The following MAP2K5 variants were observed in gnomAD, a reference collection of about 807,000 sequenced individuals.
MAP2K5 encodes dual specificity mitogen-activated protein kinase kinase 5.
A neutral mutation model predicts 83.1 loss-of-function variants in MAP2K5; 49 were observed. That is an observed-to-expected ratio of 0.59 (90% CI 0.47 to 0.75). The LOEUF (loss-of-function observed/expected upper bound fraction) is 0.75, where lower values mean the gene tolerates loss of function less well. Among genes scored for constraint, MAP2K5 ranks in the 30% least tolerant of loss-of-function variants. MAP2K5 has a pLI of 0.00. For synonymous variants in MAP2K5, 202 were observed against 191.8 expected (o/e 1.05, Z -0.44); for missense variants, 457 against 557.5 (o/e 0.82, Z 1.82).
chr15:67,582,961 T>C (rs2085213384), intron 4 of MAP2K5, among the ~76,000 whole-genome samples: 2 of 152,354 alleles, frequency 1.3e-5, no homozygotes, highest in African/African-American at 2.4e-5. Flanking sequence ...TGAGCAGTCC[T>C]GTCATTCTCA....
At chr15:67,706,483 T>A (rs1248585023) in intron 16 of MAP2K5, among the ~76,000 whole-genome samples, 1 of 151,916 alleles carries the variant, frequency 6.6e-6, no homozygotes, top group Non-Finnish European at 1.5e-5. Flanking sequence ...TGGTCAGGAG[T>A]GAGGGCCAGG....
chr15:67,795,315 A>G (rs2090586541), intron 21 of MAP2K5, among the ~76,000 whole-genome samples: 2 of 152,170 alleles, frequency 1.3e-5, no homozygotes, highest in Admixed American at 6.5e-5. Context: ...ATAATGTATT[A>G]AACACTTAGC....
Position 67,552,118 on chromosome 15 carries a change from G to A in MAP2K5, c.184+2036G>A, listed in dbSNP as rs2140947612. Among the ~76,000 whole-genome samples, 1 of 152,164 alleles carries A rather than the reference G, an allele frequency of 6.6e-6. No individual in the cohort carries two copies. The highest frequency in any genetic ancestry group is 1.9e-4 in the East Asian group (1 of 5,180). On this transcript the variant is annotated intron_variant, in intron 2 of 21. Transcript: ENST00000178640. The surrounding 1 kb of genome is among the most constrained non-coding windows in gnomAD (Gnocchi z 4.2). ...GATGAATGATCACACTTTTTACTTT[G>A]TATGTTTCTCTATTGTTTGAACATT...
chr15:67,629,143 C>G (rs1262605870), intron 8 of MAP2K5: 1 of 723,848 alleles, frequency 1.4e-6, no homozygotes, highest in Non-Finnish European at 2.5e-6. Context: ...TAATTATTGC[C>G]AGGAAACAAA....
chr15:67,753,275 C>A (rs933127726), intron 19 of MAP2K5, among the ~76,000 whole-genome samples: 1 of 152,240 alleles, frequency 6.6e-6, no homozygotes, highest in Non-Finnish European at 1.5e-5. Flanking sequence ...ATCTCCATGA[C>A]CTTAGGTTAG....
chr15:67,605,206 C>A (rs1182868926), intron 8 of MAP2K5, among the ~76,000 whole-genome samples: 1 of 151,896 alleles, frequency 6.6e-6, no homozygotes, highest in Non-Finnish European at 1.5e-5. Flanking sequence ...AGGCATGTAC[C>A]ACCATGCCCA....
At chr15:67,694,126 A>T (rs2088185751) in intron 15 of MAP2K5, among the ~76,000 whole-genome samples, 1 of 152,216 alleles carries the variant, frequency 6.6e-6, no homozygotes, top group South Asian at 2.1e-4. Context: ...TACCAACAAT[A>T]ACAAGTAGAA....
intron 4 of MAP2K5, among the ~76,000 whole-genome samples, chr15:67,582,983 A>G (rs1355593416): frequency 1.3e-5 from 2 of 152,056 alleles, no homozygotes; most frequent in African/African-American, 2.4e-5. Flanking sequence ...TGTTCATCGC[A>G]TTATGCTTCT....
chr15:67,725,830 A>G (rs770953466), intron 16 of MAP2K5, among the ~76,000 whole-genome samples: 1 of 152,084 alleles, frequency 6.6e-6, no homozygotes, highest in Non-Finnish European at 1.5e-5. Flanking sequence ...CAGTGTGCAC[A>G]CTCTGATTGG....
chr15:67,766,283 C>A (rs1166542636), intron 19 of MAP2K5, among the ~76,000 whole-genome samples: 1 of 152,194 alleles, frequency 6.6e-6, no homozygotes, highest in Non-Finnish European at 1.5e-5. Flanking sequence ...CTGCTTCGTT[C>A]TTTACCTCCG....
At position 67,790,028 on chromosome 15, in the gene MAP2K5, T is replaced by C. The variant is rs1416932879; in HGVS notation, c.1243-16618T>C. ...ATGACCTTGTCAAGCAACATTGAGG[T>C]TGAATAGCCAATAGCTGGGGGTAAA... On this transcript the variant is annotated intron_variant, in intron 21 of 21. Coordinates refer to ENST00000178640, the MANE Select transcript of MAP2K5 (RefSeq NM_145160.3). This position sits in a 1 kb window ranked among gnomAD's most constrained non-coding sequence, Gnocchi z 4.6. Among the ~76,000 whole-genome samples, 4 of 152,150 alleles carry C rather than the reference T, an allele frequency of 2.6e-5. No homozygotes were observed. The highest frequency in any genetic ancestry group is 1.9e-4 in the East Asian group (1 of 5,192).
chr15:67,576,081 T>C (rs1311548388), intron 3 of MAP2K5, among the ~76,000 whole-genome samples: 1 of 145,986 alleles, frequency 6.8e-6, no homozygotes, highest in African/African-American at 2.5e-5. Context: ...CACGCCTGGC[T>C]AATTTTTATA....
intron 13 of MAP2K5, among the ~76,000 whole-genome samples, chr15:67,670,049 T>C (rs1403654945): frequency 6.6e-6 from 1 of 152,154 alleles, no homozygotes; most frequent in African/African-American, 2.4e-5. Flanking sequence ...CCCAAGTGTC[T>C]TTCAGCTGGT....
At chr15:67,624,926 C>A (rs2141074900) in intron 8 of MAP2K5, among the ~76,000 whole-genome samples, 1 of 152,240 alleles carries the variant, frequency 6.6e-6, no homozygotes, top group African/African-American at 2.4e-5. Context: ...CCACTGTGCC[C>A]AGCCAAACAT....
At chr15:67,605,828 T>C (rs2085766660) in intron 8 of MAP2K5, among the ~76,000 whole-genome samples, 1 of 152,214 alleles carries the variant, frequency 6.6e-6, no homozygotes, top group South Asian at 2.1e-4. Flanking sequence ...GTGGAGGTTT[T>C]AGTGGGGCTC....
In MAP2K5 at chr15:67,602,507, A is replaced by T. The variant is rs569466618; in HGVS notation, c.545+1758A>T. Among the ~76,000 whole-genome samples, 28 of 152,324 alleles carry T rather than the reference A, an allele frequency of 1.8e-4. No individual in the cohort carries two copies. The South Asian group carries it at 5.8e-3, about 32-fold the overall frequency. On this transcript the variant is annotated intron_variant, in intron 8 of 21. Coordinates refer to ENST00000178640, the MANE Select transcript of MAP2K5 (RefSeq NM_145160.3). ...TTCACCAAACCTTTAGTTTTATATT[A>T]ATTGAAGGTCTATTGTGAATTTATT...
intron 8 of MAP2K5, among the ~76,000 whole-genome samples, chr15:67,623,613 A>T (rs1389364634): frequency 1.5e-4 from 11 of 75,096 alleles, no homozygotes; most frequent in Non-Finnish European, 2.1e-4. Context: ...TTTTTTTTTT[A>T]GACGGAGTTT....
rs2088312609 is a variant in MAP2K5 at position 67,698,110 on chromosome 15, G to A, written c.972+4542G>A. 6.6e-6 allele frequency among the ~76,000 whole-genome samples: 1 copy of A among 152,132 alleles called. No individual in the cohort carries two copies. Among genetic ancestry groups the A allele is most frequent in the East Asian group, 1.9e-4 (1 of 5,198 alleles). On this transcript the variant is annotated intron_variant, in intron 15 of 21. Transcript: ENST00000178640. The surrounding 1 kb of genome is among the most constrained non-coding windows in gnomAD (Gnocchi z 4.5). ...CATGAAAGATTTTCAACCACATTTT[G>A]ATAGGATTTTATCCATAAGAATTAT...
intron 1 of MAP2K5, chr15:67,548,936 A>T: frequency 2.0e-6 from 2 of 985,904 alleles, no homozygotes; most frequent in Non-Finnish European, 2.8e-6. Context: ...AGCACTATAG[A>T]GGCAAGACTA....
Sources: gnomAD v4.1 joint callset for allele counts (sites outside exome capture counted in the v4.1 genomes callset) on GRCh38, gnomAD v4.1.1 for gene constraint, Gnocchi (gnomAD v3.1) non-coding constraint, MANE v1.5 for transcripts, NCBI Gene and HGNC (gene_info 2026-07-23, HGNC 2026-07-21) for gene names.